RPL34: variants seen among roughly 807,000 people sequenced by gnomAD.
RPL34 encodes the protein ribosomal protein L34.
A neutral mutation model predicts 16.3 loss-of-function variants in RPL34; 2 were observed. The ratio of observed to expected loss-of-function variants is 0.12; its 90% CI spans 0.05 to 0.39. The LOEUF (loss-of-function observed/expected upper bound fraction) is 0.39, where lower values mean the gene tolerates loss of function less well. RPL34 is among the 10% of genes least tolerant of loss of function. The pLI is 0.99. For missense variants in RPL34, 82 were observed against 148.8 expected, an observed-to-expected ratio of 0.55 and a Z score of 2.33; for synonymous variants, 47 against 48.5, an observed-to-expected ratio of 0.97 and a Z score of 0.13.
At chr4:108,622,366 A>T in intron 3 of RPL34, 149 bp from the exon 4 acceptor site, 1 of 806,242 alleles carries the variant, frequency 1.2e-6, no homozygotes, top group Non-Finnish European at 2.1e-6. Flanking sequence ...TTTTTAAACC[A>T]ATCTGAGAAA....
At chr4:108,626,307 G>T (rs905234367), downstream of RPL34, among the ~76,000 whole-genome samples, 6 of 151,800 alleles carry the variant, frequency 4.0e-5, no homozygotes, top group East Asian at 9.7e-4. Context: ...CTCATTTTTG[G>T]TTTTTTGAGA....
downstream of RPL34, chr4:108,630,194 G>A (rs1490618073): frequency 1.3e-5 from 2 of 152,074 alleles, no homozygotes; most frequent in Non-Finnish European, 1.5e-5. Flanking sequence ...TTCCCCCAGA[G>A]AGCTGGAGGT....
rs368469191 is a variant in RPL34, at chr4:108,622,520, T to C, written c.171T>C (p.Arg57=). 76 of 1,608,726 alleles carry C rather than the reference T, an allele frequency of 4.7e-5. No homozygotes were observed. Among genetic ancestry groups the C allele is most frequent in the Non-Finnish European group, 6.2e-5 (73 of 1,176,856 alleles). Reference sequence around the variant, plus strand: ...TTAATATTTTTCTTATGCAGGTTCGTGCTGTAAGACCTAAAGTTCTTATGA... The same window carrying C: ...TTAATATTTTTCTTATGCAGGTTCGCGCTGTAAGACCTAAAGTTCTTATGA... ...GVCPGRLRGV[R]AVRPKVLMRL... Residue 57 remains arginine (R), a synonymous_variant, in exon 4 of 5, where the codon CGT becomes CGC. Transcript: ENST00000394667.
At position 108,624,992 on chromosome 4, in the gene RPL34, T is replaced by C. The variant is rs1725946486; in HGVS notation, c.270-136T>C. 6 of 608,674 alleles carry C rather than the reference T, an allele frequency of 9.9e-6. No individual in the cohort carries two copies. In the East Asian group the frequency reaches 1.7e-4, roughly 17 times the overall value. 37.7% of individuals were successfully genotyped at this position (608,674 alleles called of 1,614,324 possible). A position where few individuals can be genotyped will look rare whatever the true frequency, so the allele number is the denominator to read the frequency against. On this transcript the variant is annotated intron_variant, in intron 4 of 4. Transcript: ENST00000394667. ...GAATTTCACCTTTTAAGTTTTACTCTGTATTTGTGTATCCTGTAGTTTCCT... is the reference window on the plus strand; with the variant it reads ...GAATTTCACCTTTTAAGTTTTACTCCGTATTTGTGTATCCTGTAGTTTCCT...
chr4:108,626,449 T>TTA, downstream of RPL34, among the ~76,000 whole-genome samples: 1 of 143,830 alleles, frequency 7.0e-6, no homozygotes, highest in South Asian at 2.3e-4. Context: ...CTGACAACCT[T>TTA]TTTTTTTTTT....
intron 1 of RPL34, chr4:108,621,497 TG>T (rs1269265678): frequency 1.1e-5 from 2 of 185,732 alleles, no homozygotes; most frequent in Non-Finnish European, 2.3e-5. Context: ...TTAATCCTAA[TG>T]ACAGCTGTAT....
chr4:108,625,861 C>T (rs6533371), downstream of RPL34, among the ~76,000 whole-genome samples: 80,050 of 151,920 alleles, frequency 0.53, 21,118 homozygotes, highest in East Asian at 0.6. Context: ...TTGATCCTTA[C>T]TATGGTATCT....
At chr4:108,621,327 T>C (rs917868740) in intron 1 of RPL34, 1 of 153,442 alleles carries the variant, frequency 6.5e-6, no homozygotes, top group South Asian at 2.0e-4. Context: ...TCACGATGTT[T>C]CCAGAAGTGG....
At chr4:108,627,283 C>G (rs1726044844), downstream of RPL34, among the ~76,000 whole-genome samples, 1 of 152,088 alleles carries the variant, frequency 6.6e-6, no homozygotes, top group Non-Finnish European at 1.5e-5. Context: ...GTGGCTCACC[C>G]CTATAGTCCC....
chr4:108,622,356 T>A, intron 3 of RPL34, 152 bp downstream of exon 3: 1 of 814,630 alleles, frequency 1.2e-6, no homozygotes, highest in South Asian at 1.6e-5. Context: ...GAACATAGAC[T>A]TTTTAAACCA....
rs539147321 is a variant in RPL34 at position 108,622,511 on chromosome 4, G to A, written c.166-4G>A. On this transcript the variant is annotated splice_region_variant and splice_polypyrimidine_tract_variant and intron_variant, in intron 3 of 4. Coordinates refer to ENST00000394667, the MANE Select transcript of RPL34 (RefSeq NM_001319236.2). ...ACAAAAATCTTAATATTTTTCTTAT[G>A]CAGGTTCGTGCTGTAAGACCTAAAG... The A allele has an allele frequency of 1.2e-6, 2 of 1,604,362 alleles. No homozygotes were observed. Among genetic ancestry groups the A allele is most frequent in the Admixed American group, 1.7e-5 (1 of 59,348 alleles).
At chr4:108,630,424 A>G (rs10026091), downstream of RPL34, 2 of 152,156 alleles carry the variant, frequency 1.3e-5, no homozygotes, top group Non-Finnish European at 2.9e-5. Context: ...CCAGTTCTCT[A>G]TGTGACCAGT....
Position 108,621,928 on chromosome 4 carries a change from A to T in RPL34, c.-9-23A>T, listed in dbSNP as rs753442141. 5 of 1,490,774 alleles carry T rather than the reference A, an allele frequency of 3.4e-6. No homozygotes were observed. The African/African-American group carries it at 6.9e-5, about 21-fold the overall frequency. 92.3% of individuals were successfully genotyped at this position (1,490,774 alleles called of 1,614,324 possible). On this transcript the variant is annotated intron_variant, in intron 1 of 4. Coordinates refer to ENST00000394667, the MANE Select transcript of RPL34 (RefSeq NM_001319236.2). Reference sequence around the variant, plus strand: ...TTTACTTTTACAATGGAAAGATTTGATGTTACTCTATTCTTAATTTAGGCA... The same window carrying T: ...TTTACTTTTACAATGGAAAGATTTGTTGTTACTCTATTCTTAATTTAGGCA...
At chr4:108,629,900 C>G (rs1273354540), downstream of RPL34, 2 of 152,204 alleles carry the variant, frequency 1.3e-5, no homozygotes, top group Admixed American at 1.3e-4. Flanking sequence ...TGCATCTTAT[C>G]AAACCAACTA....
downstream of RPL34, among the ~76,000 whole-genome samples, chr4:108,628,018 T>C (rs1726072181): frequency 6.6e-6 from 1 of 152,156 alleles, no homozygotes; most frequent in South Asian, 2.1e-4. Flanking sequence ...GAGCCATTTG[T>C]ATTGTTGGTA....
chr4:108,624,549 T>A (rs1228702107), intron 4 of RPL34, among the ~76,000 whole-genome samples: 1 of 152,212 alleles, frequency 6.6e-6, no homozygotes, highest in African/African-American at 2.4e-5. Context: ...CTAGAAAATC[T>A]TTCCAAATTT....
At chr4:108,625,777 CCTT>C (rs1349183147), downstream of RPL34, among the ~76,000 whole-genome samples, 5 of 152,154 alleles carry the variant, frequency 3.3e-5, no homozygotes, top group East Asian at 1.9e-4. Flanking sequence ...AGCATAATGT[CCTT>C]CTCTTTGTGG....
downstream of RPL34, among the ~76,000 whole-genome samples, chr4:108,629,581 A>G (rs1210315811): frequency 1.3e-5 from 2 of 152,214 alleles, no homozygotes; most frequent in African/African-American, 2.4e-5. Context: ...TGAAGCTCTT[A>G]TTGAATCCAG....
intron 1 of RPL34, chr4:108,621,485 G>A (rs1390405194): frequency 2.3e-5 from 4 of 177,580 alleles, no homozygotes; most frequent in South Asian, 1.2e-4. Context: ...AGCCCACGTC[G>A]TTTAATCCTA....
Sources: allele counts gnomAD v4.1 joint callset (sites outside exome capture counted in the v4.1 genomes callset), GRCh38; gene constraint gnomAD v4.1.1; transcripts MANE v1.5; gene names NCBI Gene and HGNC (gene_info 2026-07-23, HGNC 2026-07-21).